The following NEK1 variants were observed in gnomAD, a reference collection of about 807,000 sequenced individuals.
The protein encoded by NEK1 is NIMA related kinase 1.
Under a neutral mutation model 182.1 loss-of-function variants are expected in NEK1, and 137 were observed. That is an observed-to-expected ratio of 0.75 (90% CI 0.65 to 0.87). The LOEUF is 0.87. NEK1 is among the 40% of genes least tolerant of loss of function. NEK1 has a pLI of 0.00. For missense variants in NEK1, 1,391 were observed against 1,494.4 expected, an observed-to-expected ratio of 0.93 and a Z score of 1.14; for synonymous variants, 513 against 492.2, an observed-to-expected ratio of 1.04 and a Z score of -0.56.
At chr4:169,399,614 CTTT>C (rs1226939673) in intron 35 of NEK1, among the ~76,000 whole-genome samples, 3 of 151,892 alleles carry the variant, frequency 2.0e-5, no homozygotes, top group Non-Finnish European at 2.9e-5. Context: ...TTATAATCTT[CTTT>C]ATTTTTATTT....
chr4:169,535,560 G>C (rs868585059), intron 19 of NEK1, among the ~76,000 whole-genome samples: 4 of 151,848 alleles, frequency 2.6e-5, no homozygotes, highest in African/African-American at 2.4e-5. Context: ...AAGAGGGAGA[G>C]AGGCAAACAG....
At chr4:169,571,055 G>A (rs1010906243) in intron 12 of NEK1, among the ~76,000 whole-genome samples, 18 of 151,788 alleles carry the variant, frequency 1.2e-4, no homozygotes, top group Non-Finnish European at 1.5e-4. Context: ...AGGCTGCAGG[G>A]TCCTCTGCCT....
chr4:169,497,576 G>A (rs7683734), intron 23 of NEK1, among the ~76,000 whole-genome samples: 42,925 of 151,920 alleles, frequency 0.28, 8,625 homozygotes, highest in African/African-American at 0.58. Flanking sequence ...ACTGCTTTGA[G>A]TGTGTCCCAG....
At chr4:169,452,226 T>C (rs1299793263) in intron 27 of NEK1, among the ~76,000 whole-genome samples, 3 of 152,192 alleles carry the variant, frequency 2.0e-5, no homozygotes, top group Non-Finnish European at 2.9e-5. Flanking sequence ...CACAGCTGAA[T>C]TCTACCAGAG....
In NEK1 at chr4:169,477,347, C is replaced by T. The variant is rs747343457; in HGVS notation, c.2211G>A (p.Lys737=). The change falls in exon 26 of 36, where the codon AAG becomes AAA. Residue 737 remains lysine (K), a synonymous_variant. Transcript: ENST00000507142. ...CATTTAATCTACGAAGTATTTCTCG[C>T]TTACTCTGAAAGTCACGACATTATA... The part of the protein sequence containing the change: ...MQKTNNAISS[K]REILRRLNEN... 4 of 1,569,872 alleles carry T rather than the reference C, an allele frequency of 2.5e-6. No individual in the cohort carries two copies. In the South Asian group the frequency reaches 4.7e-5, roughly 18 times the overall value.
At chr4:169,565,560 T>C (rs780796314) in intron 12 of NEK1, among the ~76,000 whole-genome samples, 46 of 152,196 alleles carry the variant, frequency 3.0e-4, no homozygotes, top group Non-Finnish European at 5.3e-4. Flanking sequence ...GTGGGGAACA[T>C]TACCCAGAAG....
intron 27 of NEK1, among the ~76,000 whole-genome samples, chr4:169,461,865 T>C (rs1744025577): frequency 6.6e-6 from 1 of 152,152 alleles, no homozygotes; most frequent in Non-Finnish European, 1.5e-5. Context: ...CTTTATAGCT[T>C]ACCATCTAAC....
intron 19 of NEK1, among the ~76,000 whole-genome samples, chr4:169,521,653 GTCTT>G (rs983177595): frequency 6.6e-6 from 1 of 152,220 alleles, no homozygotes; most frequent in Non-Finnish European, 1.5e-5. Context: ...ATTTGAGAGT[GTCTT>G]TATTTCTACT....
In NEK1 at chr4:169,508,342, G is replaced by A. The variant is rs764849523; in HGVS notation, c.1750-11C>T. ...TCTTGCCAGATAAACCTACAAGGAG[G>A]CAAAAACCCCAACATAATAATGTAA... On this transcript the variant is annotated splice_polypyrimidine_tract_variant and intron_variant, in intron 20 of 35. Coordinates refer to ENST00000507142, the MANE Select transcript of NEK1 (RefSeq NM_001199397.3). 3.2e-6 allele frequency: 5 copies of A among 1,548,416 alleles called. No individual in the cohort carries two copies. In the South Asian group the frequency reaches 3.7e-5, roughly 11 times the overall value.
rs58999473 is a variant in NEK1, at chr4:169,494,100, CT to C, written c.2007+12936del. Among the ~76,000 whole-genome samples, 1,227 of 142,128 alleles carry C rather than the reference CT, an allele frequency of 8.6e-3. 6 individuals are homozygous for C. The highest frequency in any genetic ancestry group is 0.017 in the African/African-American group (651 of 39,022). 93.2% of individuals were successfully genotyped at this position (142,128 alleles called of 152,430 possible). On this transcript the variant is annotated intron_variant, in intron 23 of 35. Coordinates refer to ENST00000507142, the MANE Select transcript of NEK1 (RefSeq NM_001199397.3). The stretch of plus-strand genomic sequence containing the variant: ...CATCAGACTCACAACGGATTTCTTT[CT>C]TTTTTTTTTTTTTATACTTTAAGTT...
In NEK1 at chr4:169,472,912, A is replaced by T. The variant is rs574626476; in HGVS notation, c.2434+4212T>A. Among the ~76,000 whole-genome samples the T allele has an allele frequency of 2.0e-5, 3 of 152,360 alleles. No homozygotes were observed. In the South Asian group the frequency reaches 6.2e-4, roughly 32 times the overall value. On this transcript the variant is annotated intron_variant, in intron 26 of 35. Transcript: ENST00000507142. ...ACTTAAACAAATGAAGAAGATAATT[A>T]CAGTATGTGATTAGTTCTTTAAAAA...
intron 23 of NEK1, among the ~76,000 whole-genome samples, chr4:169,504,413 C>A (rs536792898): frequency 2.6e-5 from 4 of 152,212 alleles, no homozygotes; most frequent in African/African-American, 9.6e-5. Flanking sequence ...ATCAGTATAT[C>A]AGAGATATCC....
chr4:169,409,956 T>G (rs1025876971), intron 31 of NEK1, among the ~76,000 whole-genome samples: 5 of 152,196 alleles, frequency 3.3e-5, no homozygotes, highest in African/African-American at 9.6e-5. Context: ...TGGGATTGTT[T>G]TTTTCTTATT....
intron 12 of NEK1, among the ~76,000 whole-genome samples, chr4:169,565,603 C>G (rs1051595670): frequency 6.6e-6 from 1 of 152,072 alleles, no homozygotes; most frequent in Non-Finnish European, 1.5e-5. Flanking sequence ...TCTATACAAA[C>G]GAATATTTGG....
intron 32 of NEK1, among the ~76,000 whole-genome samples, chr4:169,403,043 T>C (rs2111048455): frequency 6.6e-6 from 1 of 152,328 alleles, no homozygotes; most frequent in East Asian, 1.9e-4. Flanking sequence ...AAATATTTAC[T>C]GAAGAACTAA....
chr4:169,568,098 G>T (rs1398532519), intron 12 of NEK1, among the ~76,000 whole-genome samples: 3 of 152,128 alleles, frequency 2.0e-5, no homozygotes, highest in Admixed American at 6.5e-5. Context: ...TTCACCAACA[G>T]TTCTGATCTC....
intron 12 of NEK1, among the ~76,000 whole-genome samples, chr4:169,568,624 G>T (rs866905795): frequency 6.6e-6 from 1 of 151,846 alleles, no homozygotes; most frequent in Non-Finnish European, 1.5e-5. Context: ...TTAAAAATAC[G>T]GGCAATATAT....
At chr4:169,395,019 A>C (rs1414175412) in intron 35 of NEK1, among the ~76,000 whole-genome samples, 1 of 152,216 alleles carries the variant, frequency 6.6e-6, no homozygotes, top group Non-Finnish European at 1.5e-5. Flanking sequence ...GATATATTCT[A>C]TGTTGACTTC....
chr4:169,401,897 T>G, intron 32 of NEK1, 37 bp from the exon 33 acceptor site: 1 of 1,515,980 alleles, frequency 6.6e-7, no homozygotes, highest in East Asian at 2.3e-5. Context: ...GTTTCAAACA[T>G]ACTGAAATTT....
Sources: allele counts gnomAD v4.1 joint callset (sites outside exome capture counted in the v4.1 genomes callset), GRCh38; gene constraint gnomAD v4.1.1; transcripts MANE v1.5; gene names NCBI Gene and HGNC (gene_info 2026-07-23, HGNC 2026-07-21).